Variants in CDC45 observed in about 807,000 individuals in gnomAD.
CDC45 encodes the protein cell division control protein 45 homolog.
In CDC45, 54 loss-of-function variants were observed where a neutral mutation model predicts 77.8. That is an observed-to-expected ratio of 0.69 (90% CI 0.56 to 0.87). The LOEUF is 0.87. Among genes scored for constraint, CDC45 ranks in the 40% least tolerant of loss-of-function variants. The pLI is 0.00. For synonymous variants in CDC45, 260 were observed against 272.1 expected, an observed-to-expected ratio of 0.96 and a Z score of 0.44; for missense variants, 649 against 721.6, an observed-to-expected ratio of 0.90 and a Z score of 1.15.
intron 3 of CDC45, among the ~76,000 whole-genome samples, chr22:19,481,781 C>T (rs948470478): frequency 6.6e-6 from 1 of 151,894 alleles, no homozygotes; most frequent in Non-Finnish European, 1.5e-5. Context: ...AAGCGATTCT[C>T]CTGCCTCAGC....
intron 4 of CDC45, 89 bp downstream of exon 4, chr22:19,482,916 G>A (rs2090006773): frequency 8.2e-7 from 1 of 1,217,872 alleles, no homozygotes; most frequent in South Asian, 1.3e-5. Context: ...GTGTGTGTCT[G>A]ACTACCCTGT....
At chr22:19,498,392 T>G (rs2090282082) in intron 8 of CDC45, among the ~76,000 whole-genome samples, 1 of 152,206 alleles carries the variant, frequency 6.6e-6, no homozygotes. Context: ...CAAAATTTGA[T>G]GTAGGAAGAA....
Position 19,505,059 on chromosome 22 carries a change from C to T in CDC45, c.705-303C>T, listed in dbSNP as rs117402314. 5.8e-3 allele frequency: 2,263 copies of T among 389,582 alleles called. 82 individuals are homozygous for T. The East Asian group carries it at 0.072, about 12-fold the overall frequency. 24.1% of individuals were successfully genotyped at this position (389,582 alleles called of 1,614,324 possible). ...CTCTGCTGTGGATCCCTGTCACTTACGGAGTCTGTCATCTTGGCTGTATGG... is the reference window on the plus strand; with the variant it reads ...CTCTGCTGTGGATCCCTGTCACTTATGGAGTCTGTCATCTTGGCTGTATGG... On this transcript the variant is annotated intron_variant, in intron 9 of 18. Coordinates refer to ENST00000263201, the MANE Select transcript of CDC45 (RefSeq NM_003504.5).
intron 18 of CDC45, among the ~76,000 whole-genome samples, chr22:19,519,711 C>T (rs1814903385): frequency 6.6e-6 from 1 of 152,256 alleles, no homozygotes; most frequent in Admixed American, 6.5e-5. Flanking sequence ...TCCATCCATC[C>T]ATCTGTCCAT....
At position 19,506,770 on chromosome 22, in the gene CDC45, G is replaced by A. The variant is rs138454414; in HGVS notation, c.825-616G>A. Reference sequence around the variant, plus strand: ...TAACACGGTGAAACCTCGTTTCTACGAAAAATACAAAAAATCAGCCAGGCA... The same window carrying A: ...TAACACGGTGAAACCTCGTTTCTACAAAAAATACAAAAAATCAGCCAGGCA... On this transcript the variant is annotated intron_variant, in intron 10 of 18. Transcript: ENST00000263201. 4.4e-3 allele frequency among the ~76,000 whole-genome samples: 666 copies of A among 152,114 alleles called. 8 individuals are homozygous for A. Among genetic ancestry groups the A allele is most frequent in the African/African-American group, 0.016 (653 of 41,524 alleles).
rs201539099 is a variant in CDC45, at chr22:19,507,419, C to T, written c.858C>T (p.Leu286=). ...LRLVLYQHWS[L]HDSLCNTSYT... is the part of the protein sequence containing the mutation. ...TGGTGCTCTACCAGCACTGGTCCCT[C>T]CATGACAGCCTGTGCAACACCAGCT... Residue 286 remains leucine, a synonymous_variant, in exon 11 of 19, where the codon CTC becomes CTT. Coordinates refer to ENST00000263201, the MANE Select transcript of CDC45 (RefSeq NM_003504.5). 210 of 1,613,996 alleles carry T rather than the reference C, an allele frequency of 1.3e-4. No homozygotes were observed. Among genetic ancestry groups the T allele is most frequent in the Non-Finnish European group, 1.7e-4 (197 of 1,180,036 alleles).
rs79937234 is a variant in CDC45 at position 19,492,961 on chromosome 22, G to A, written c.487-1366G>A. On this transcript the variant is annotated intron_variant, in intron 5 of 18. Coordinates refer to ENST00000263201, the MANE Select transcript of CDC45 (RefSeq NM_003504.5). ...CCACCATTGGTTCTCCCACCCAGAG[G>A]TGGGGTGTGGACTTGTCACCAACCA... 1.5e-4 allele frequency among the ~76,000 whole-genome samples: 23 copies of A among 152,328 alleles called. No individual in the cohort carries two copies. In the East Asian group the frequency reaches 4.2e-3, roughly 28 times the overall value.
chr22:19,518,550 C>A (rs746604766), intron 17 of CDC45, among the ~76,000 whole-genome samples: 1 of 152,214 alleles, frequency 6.6e-6, no homozygotes, highest in Non-Finnish European at 1.5e-5. Flanking sequence ...CTGGGGTGGG[C>A]AGGCCCGTGT....
intron 5 of CDC45, 82 bp from the exon 6 acceptor site, chr22:19,494,245 C>A: frequency 1.5e-6 from 2 of 1,316,468 alleles, no homozygotes; most frequent in Non-Finnish European, 2.2e-6. Context: ...CTGACTTCTG[C>A]CAAATTGGAA....
chr22:19,486,803 A>ACCT (rs2090075122), intron 5 of CDC45, among the ~76,000 whole-genome samples: 1 of 152,034 alleles, frequency 6.6e-6, no homozygotes. Context: ...CAGACTCCCA[A>ACCT]GTAGCTGGGA....
intron 5 of CDC45, among the ~76,000 whole-genome samples, chr22:19,491,608 T>G (rs2090154715): frequency 6.6e-6 from 1 of 152,208 alleles, no homozygotes; most frequent in African/African-American, 2.4e-5. Flanking sequence ...CTTATTTTTC[T>G]TTGGCTGTTT....
chr22:19,489,080 G>A (rs953382373), intron 5 of CDC45, among the ~76,000 whole-genome samples: 3 of 152,126 alleles, frequency 2.0e-5, no homozygotes, highest in Admixed American at 6.5e-5. Context: ...GGAGGCTGAG[G>A]TGGGAGAATC....
chr22:19,500,629 A>G (rs905552463), intron 9 of CDC45, among the ~76,000 whole-genome samples: 1 of 152,082 alleles, frequency 6.6e-6, no homozygotes, highest in African/African-American at 2.4e-5. Flanking sequence ...TGACTAAACC[A>G]AGAGTGCAGT....
chr22:19,499,532 G>A (rs985967106), intron 9 of CDC45, among the ~76,000 whole-genome samples: 1 of 152,144 alleles, frequency 6.6e-6, no homozygotes. Context: ...AGAGCCCCTA[G>A]TGAGGACCCT....
At chr22:19,498,088 C>T (rs1015009963) in intron 8 of CDC45, among the ~76,000 whole-genome samples, 1 of 151,962 alleles carries the variant, frequency 6.6e-6, no homozygotes, top group African/African-American at 2.4e-5. Flanking sequence ...GTAGGAGAAT[C>T]GCTTGAATCC....
chr22:19,487,933 G>T (rs1042649038), intron 5 of CDC45, among the ~76,000 whole-genome samples: 38 of 114,532 alleles, frequency 3.3e-4, no homozygotes, highest in Non-Finnish European at 5.6e-4. Context: ...AAAAAAAAAA[G>T]AGTTCTGCTG....
At chr22:19,481,781 C>G (rs948470478) in intron 3 of CDC45, among the ~76,000 whole-genome samples, 9 of 151,894 alleles carry the variant, frequency 5.9e-5, no homozygotes, top group African/African-American at 1.9e-4. Flanking sequence ...AAGCGATTCT[C>G]CTGCCTCAGC....
intron 3 of CDC45, 66 bp downstream of exon 3, chr22:19,481,111 C>T: frequency 1.0e-6 from 1 of 1,000,928 alleles, no homozygotes; most frequent in Non-Finnish European, 1.6e-6. Context: ...ACACAGCATT[C>T]TATTTCCACG....
chr22:19,487,308 A>G (rs1355182368), intron 5 of CDC45, among the ~76,000 whole-genome samples: 9 of 149,176 alleles, frequency 6.0e-5, no homozygotes, highest in South Asian at 2.1e-4. Flanking sequence ...AAAAAAAAAA[A>G]AAAGAAATAT....
Sources: gnomAD v4.1 joint callset for allele counts (sites outside exome capture counted in the v4.1 genomes callset) on GRCh38, gnomAD v4.1.1 for gene constraint, MANE v1.5 for transcripts, NCBI Gene and HGNC (gene_info 2026-07-23, HGNC 2026-07-21) for gene names.